MAML2: variants seen among roughly 807,000 people sequenced by gnomAD.
MAML2 encodes the protein mastermind like transcriptional coactivator 2.
A neutral mutation model predicts 96.1 loss-of-function variants in MAML2; 22 were observed. The ratio of observed to expected loss-of-function variants is 0.23; its 90% CI spans 0.16 to 0.33. MAML2 has a LOEUF of 0.33. Ranked by LOEUF, MAML2 falls within the 10% of genes least tolerant of loss-of-function variation. The pLI is 1.00. For missense variants in MAML2, 1,367 were observed against 1,392.4 expected (o/e 0.98, Z 0.29); for synonymous variants, 561 against 521.3 (o/e 1.08, Z -1.04).
chr11:96,200,023 G>A (rs759187405), intron 1 of MAML2, among the ~76,000 whole-genome samples: 4 of 152,170 alleles, frequency 2.6e-5, no homozygotes, highest in Non-Finnish European at 4.4e-5. Context: ...TCTCTAGTGT[G>A]ATAAGGAGGG....
intron 2 of MAML2, among the ~76,000 whole-genome samples, chr11:96,024,750 C>A (rs1393242471): frequency 1.3e-5 from 2 of 152,196 alleles, no homozygotes; most frequent in East Asian, 3.8e-4. Context: ...GGTTCTGGTA[C>A]TTTCACGCCC....
intron 3 of MAML2, among the ~76,000 whole-genome samples, chr11:95,989,983 C>G (rs914339165): frequency 1.1e-4 from 17 of 152,244 alleles, no homozygotes; most frequent in South Asian, 6.2e-4. Context: ...CCAGGCTGCA[C>G]CTTTTGGTGC....
chr11:96,286,334 G>C (rs1217445741), intron 1 of MAML2, among the ~76,000 whole-genome samples: 4 of 152,152 alleles, frequency 2.6e-5, no homozygotes, highest in Admixed American at 6.5e-5. Context: ...GAGGGAGCAG[G>C]GGGAGGGAGA....
chr11:96,121,889 C>G (rs921941284), intron 1 of MAML2, among the ~76,000 whole-genome samples: 2 of 137,450 alleles, frequency 1.5e-5, no homozygotes, highest in African/African-American at 2.7e-5. Flanking sequence ...CGGGTTCACG[C>G]GATTCTGCTG....
chr11:96,014,466 C>T (rs75593216), intron 2 of MAML2, among the ~76,000 whole-genome samples: 1,755 of 152,230 alleles, frequency 0.012, 29 homozygotes, highest in South Asian at 0.059. Flanking sequence ...AAACTAACAT[C>T]GGTGAACTCT....
At chr11:96,003,264 G>T (rs1858126800) in intron 2 of MAML2, among the ~76,000 whole-genome samples, 1 of 152,074 alleles carries the variant, frequency 6.6e-6, no homozygotes, top group African/African-American at 2.4e-5. Context: ...CACACTGATG[G>T]AATAAGAGTT....
intron 1 of MAML2, among the ~76,000 whole-genome samples, chr11:96,338,275 C>T (rs71475389): frequency 0.043 from 6,475 of 152,316 alleles, 191 homozygotes; most frequent in Non-Finnish European, 0.063. Flanking sequence ...GTTAGAAATG[C>T]AGATCTGCTC....
At chr11:96,252,056 C>T (rs117778444) in intron 1 of MAML2, among the ~76,000 whole-genome samples, 1 of 152,086 alleles carries the variant, frequency 6.6e-6, no homozygotes, top group African/African-American at 2.4e-5. Flanking sequence ...CAACACCAGA[C>T]GGAGTAGCAA....
chr11:96,135,567 C>A (rs1417696038), intron 1 of MAML2, among the ~76,000 whole-genome samples: 1 of 114,802 alleles, frequency 8.7e-6, no homozygotes, highest in African/African-American at 3.0e-5. Flanking sequence ...TTTTTTAAAC[C>A]GTGGTAATGA....
chr11:96,001,344 G>T (rs1309394460), intron 2 of MAML2, among the ~76,000 whole-genome samples: 1 of 152,166 alleles, frequency 6.6e-6, no homozygotes. Context: ...GGGAAGGAAT[G>T]AGAAATTTTT....
intron 1 of MAML2, among the ~76,000 whole-genome samples, chr11:96,163,743 C>A (rs190331068): frequency 6.6e-6 from 1 of 152,142 alleles, no homozygotes; most frequent in Non-Finnish European, 1.5e-5. Flanking sequence ...AATACCACTT[C>A]GTATTGATAA....
Position 96,093,991 on chromosome 11 carries a change from T to G in MAML2, c.514-474A>C, listed in dbSNP as rs889618366. ...AGCTGGGAACAAATCTCTAGTTTCT[T>G]TTTTTTTTCACAGACCCAACCCCTT... On this transcript the variant is annotated intron_variant, in intron 1 of 4. Transcript: ENST00000524717. Among the ~76,000 whole-genome samples the G allele has an allele frequency of 1.3e-3, 8 of 6,302 alleles. No homozygotes were observed. The Admixed American group carries it at 0.015, about 12-fold the overall frequency. 4.1% of individuals were successfully genotyped at this position (6,302 alleles called of 152,430 possible).
intron 1 of MAML2, among the ~76,000 whole-genome samples, chr11:96,223,035 C>T (rs1323024834): frequency 6.6e-6 from 1 of 152,040 alleles, no homozygotes; most frequent in Non-Finnish European, 1.5e-5. Flanking sequence ...TTTTACTTTA[C>T]ATTTTTGATG....
At chr11:96,152,800 C>T (rs1860944793) in intron 1 of MAML2, among the ~76,000 whole-genome samples, 1 of 152,160 alleles carries the variant, frequency 6.6e-6, no homozygotes, top group Non-Finnish European at 1.5e-5. Context: ...TGTAGTTTAA[C>T]AATGCAGCTC....
chr11:96,170,172 A>G (rs897574552), intron 1 of MAML2, among the ~76,000 whole-genome samples: 1 of 152,228 alleles, frequency 6.6e-6, no homozygotes, highest in African/African-American at 2.4e-5. Context: ...CATCGTGCTC[A>G]CATTCTACAT....
intron 2 of MAML2, among the ~76,000 whole-genome samples, chr11:96,082,256 T>A (rs1859538964): frequency 6.6e-6 from 1 of 152,180 alleles, no homozygotes; most frequent in South Asian, 2.1e-4. Flanking sequence ...AAAAGCAATG[T>A]CATGGTCCCA....
In MAML2 at chr11:95,993,085, T is replaced by TA. The variant is rs200536975; in HGVS notation, c.2140-1363_2140-1362insT. Among the ~76,000 whole-genome samples the TA allele has an allele frequency of 1.8e-4, 22 of 125,466 alleles. No homozygotes were observed. The East Asian group carries it at 4.5e-3, about 26-fold the overall frequency. The allele number at this position is 125,466 out of a possible 152,430, so 82.3% of individuals were successfully genotyped here. On this transcript the variant is annotated intron_variant, in intron 2 of 4. Coordinates refer to ENST00000524717, the MANE Select transcript of MAML2 (RefSeq NM_032427.4). Reference sequence around the variant, plus strand: ...AGAGACAGGGTGGCTAATTTTTAAATTTTTTTTAGAGACGGGGTCTTACTA... The same window carrying TA: ...AGAGACAGGGTGGCTAATTTTTAAATATTTTTTTAGAGACGGGGTCTTACTA...
In MAML2 at chr11:96,093,442, C is replaced by A. The variant is rs572287957; in HGVS notation, c.589G>T (p.Asp197Tyr). The A allele has an allele frequency of 1.9e-6, 3 of 1,613,994 alleles. No homozygotes were observed. The highest frequency in any genetic ancestry group is 2.5e-6 in the Non-Finnish European group (3 of 1,179,898). ...CTTTTGATATCAAGAAATGAGTTGT[C>A]CACAAAGCCATTGGGTCGCTTGCTG... ...ANSKRPNGFV[D>Y]NSFLDIKRIR... Residue 197 changes from aspartate (D) to tyrosine (Y), a missense_variant, in exon 2 of 5, where the codon GAC becomes TAC. Asp to Tyr is a radical substitution (Grantham distance 160). Coordinates refer to ENST00000524717, the MANE Select transcript of MAML2 (RefSeq NM_032427.4).
chr11:96,294,724 G>T (rs925499740), intron 1 of MAML2, among the ~76,000 whole-genome samples: 2 of 152,114 alleles, frequency 1.3e-5, no homozygotes, highest in African/African-American at 4.8e-5. Flanking sequence ...TTATGCTAGG[G>T]ACCATGCTTA....
Sources: allele counts gnomAD v4.1 joint callset (sites outside exome capture counted in the v4.1 genomes callset), GRCh38; gene constraint gnomAD v4.1.1; transcripts MANE v1.5; gene names NCBI Gene and HGNC (gene_info 2026-07-23, HGNC 2026-07-21).